The following ACSS3 variants were observed in gnomAD, a reference collection of about 807,000 sequenced individuals.
The protein encoded by ACSS3 is acyl-CoA synthetase short-chain family member 3, mitochondrial.
Under a neutral mutation model 84.2 loss-of-function variants are expected in ACSS3, and 64 were observed. The ratio of observed to expected loss-of-function variants is 0.76; its 90% CI spans 0.62 to 0.94. ACSS3 has a LOEUF of 0.94. Ranked by LOEUF, ACSS3 falls within the 40% of genes least tolerant of loss-of-function variation. The pLI is 0.00. For synonymous variants in ACSS3, 317 were observed against 310.1 expected (o/e 1.02, Z -0.23); for missense variants, 815 against 867.6 (o/e 0.94, Z 0.76).
intron 11 of ACSS3, among the ~76,000 whole-genome samples, chr12:81,228,938 G>C (rs1013486148): frequency 6.6e-6 from 1 of 151,646 alleles, no homozygotes; most frequent in Non-Finnish European, 1.5e-5. Flanking sequence ...CTCTCATCAT[G>C]GGCAATATTA....
intron 1 of ACSS3, among the ~76,000 whole-genome samples, chr12:81,079,178 T>G (rs1264788405): frequency 1.3e-5 from 2 of 152,214 alleles, no homozygotes; most frequent in Admixed American, 1.3e-4. Flanking sequence ...AGTAAAGTCT[T>G]CCACCTGGAG....
In ACSS3 at chr12:81,257,936, TTGA is replaced by T. The variant is rs1486534169; in HGVS notation, c.*3016_*3018del. 2.6e-5 allele frequency: 4 copies of T among 152,164 alleles called. No homozygotes were observed. Among genetic ancestry groups the T allele is most frequent in the African/African-American group, 7.2e-5 (3 of 41,452 alleles). The allele number at this position is 152,164 out of a possible 1,614,324, so 9.4% of individuals were successfully genotyped here. On this transcript the variant is annotated 3_prime_UTR_variant, in exon 16 of 16. Coordinates refer to ENST00000548058, the MANE Select transcript of ACSS3 (RefSeq NM_024560.4). ...TAACTTGATCTTTAAAAGAAAGAAA[TTGA>T]TTTTAGTGATTGAGTGTTATATAAT...
intron 8 of ACSS3, among the ~76,000 whole-genome samples, chr12:81,176,702 C>T (rs563643329): frequency 1.3e-5 from 2 of 151,832 alleles, no homozygotes; most frequent in Non-Finnish European, 2.9e-5. Context: ...CAGAAAAAGC[C>T]CTGGACGAGA....
At chr12:81,254,416 T>C in intron 15 of ACSS3, among the ~76,000 whole-genome samples, 1 of 152,190 alleles carries the variant, frequency 6.6e-6, no homozygotes, top group East Asian at 1.9e-4. Flanking sequence ...AATGCTAATT[T>C]TGTAATTATT....
intron 13 of ACSS3, among the ~76,000 whole-genome samples, chr12:81,248,461 G>A (rs2034051804): frequency 6.6e-6 from 1 of 151,990 alleles, no homozygotes; most frequent in South Asian, 2.1e-4. Context: ...GGCACAGAAA[G>A]ACAATATCTA....
chr12:81,245,236 T>C (rs7978282), intron 13 of ACSS3, among the ~76,000 whole-genome samples: 105,065 of 152,002 alleles, frequency 0.69, 36,780 homozygotes, highest in Non-Finnish European at 0.76. Flanking sequence ...CCGAGATGGG[T>C]GGATCACGAG....
chr12:81,099,074 TG>T (rs1416917816), intron 1 of ACSS3, among the ~76,000 whole-genome samples: 1 of 152,194 alleles, frequency 6.6e-6, no homozygotes, highest in Non-Finnish European at 1.5e-5. Context: ...AGTTAATATT[TG>T]GGATTCTAAT....
intron 2 of ACSS3, among the ~76,000 whole-genome samples, chr12:81,115,663 A>ATTGT (rs1883978730): frequency 6.6e-6 from 1 of 152,046 alleles, no homozygotes; most frequent in Admixed American, 6.6e-5. Flanking sequence ...TTTCTATTGG[A>ATTGT]TTGTTAGCAT....
chr12:81,165,501 C>T (rs999671110), intron 7 of ACSS3, among the ~76,000 whole-genome samples: 5 of 152,048 alleles, frequency 3.3e-5, no homozygotes, highest in Admixed American at 1.3e-4. Flanking sequence ...AAAAAATTAG[C>T]CAGGCGTGGT....
At chr12:81,163,727 A>G (rs919416879) in intron 7 of ACSS3, among the ~76,000 whole-genome samples, 1 of 152,176 alleles carries the variant, frequency 6.6e-6, no homozygotes, top group Non-Finnish European at 1.5e-5. Flanking sequence ...GGCCTAGGCT[A>G]ATGTGTATGT....
At chr12:81,176,443 C>T (rs980357544) in intron 8 of ACSS3, among the ~76,000 whole-genome samples, 7 of 151,782 alleles carry the variant, frequency 4.6e-5, no homozygotes, top group Admixed American at 3.3e-4. Context: ...GTGGTGTGGG[C>T]CTGACCTGTA....
In ACSS3 at chr12:81,259,494, A is replaced by C. The variant is rs2034647258; in HGVS notation, c.*4572A>C. ...TAAGCATTTTATTACAATTTGTAGT[A>C]AACTAATCAAATGTAATATCTGACT... is the stretch of plus-strand genomic sequence containing the variant. On this transcript the variant is annotated 3_prime_UTR_variant, in exon 16 of 16. Coordinates refer to ENST00000548058, the MANE Select transcript of ACSS3 (RefSeq NM_024560.4). 5.4e-6 allele frequency: 4 copies of C among 746,176 alleles called. No homozygotes were observed. The highest frequency in any genetic ancestry group is 3.5e-5 in the African/African-American group (2 of 56,894). 46.2% of individuals were successfully genotyped at this position (746,176 alleles called of 1,614,324 possible).
At chr12:81,186,607 G>A (rs777071281) in intron 8 of ACSS3, among the ~76,000 whole-genome samples, 24 of 151,734 alleles carry the variant, frequency 1.6e-4, no homozygotes, top group Non-Finnish European at 3.2e-4. Flanking sequence ...CATATGGAAA[G>A]GTGTTCAACA....
chr12:81,107,397 T>C (rs993589706), intron 1 of ACSS3, among the ~76,000 whole-genome samples: 1 of 150,354 alleles, frequency 6.7e-6, no homozygotes, highest in Non-Finnish European at 1.5e-5. Context: ...CAAAGAATGG[T>C]AGAATAGAAG....
At chr12:81,159,976 T>C (rs998363453) in intron 7 of ACSS3, among the ~76,000 whole-genome samples, 2 of 152,222 alleles carry the variant, frequency 1.3e-5, no homozygotes, top group Non-Finnish European at 2.9e-5. Flanking sequence ...TGTGCAAAAG[T>C]GTGTGTTGTA....
intron 7 of ACSS3, among the ~76,000 whole-genome samples, chr12:81,171,594 T>C (rs10778797): frequency 0.19 from 28,508 of 152,102 alleles, 2,930 homozygotes; most frequent in East Asian, 0.4. Flanking sequence ...ACTATTCTAA[T>C]AGTAATGCTA....
intron 1 of ACSS3, among the ~76,000 whole-genome samples, chr12:81,091,228 A>G (rs1360737444): frequency 6.6e-6 from 1 of 151,944 alleles, no homozygotes; most frequent in Non-Finnish European, 1.5e-5. Context: ...AGTTGGGTTG[A>G]TATTATGTTA....
chr12:81,194,111 T>C (rs1244025308), intron 8 of ACSS3, among the ~76,000 whole-genome samples: 1 of 151,702 alleles, frequency 6.6e-6, no homozygotes, highest in Non-Finnish European at 1.5e-5. Flanking sequence ...CTTGAAACAA[T>C]AGGAAGATAC....
intron 5 of ACSS3, among the ~76,000 whole-genome samples, chr12:81,144,091 G>A (rs1233986504): frequency 6.6e-6 from 1 of 152,108 alleles, no homozygotes; most frequent in Non-Finnish European, 1.5e-5. Flanking sequence ...GATTGCTATA[G>A]CATCAGTGTT....
Sources: gnomAD v4.1 joint callset for allele counts (sites outside exome capture counted in the v4.1 genomes callset) on GRCh38, gnomAD v4.1.1 for gene constraint, MANE v1.5 for transcripts, NCBI Gene and HGNC (gene_info 2026-07-23, HGNC 2026-07-21) for gene names.